Variants in PPP1R13B observed in about 807,000 individuals in gnomAD.
PPP1R13B encodes the protein protein phosphatase 1 regulatory subunit 13B.
Under a neutral mutation model 119.8 loss-of-function variants are expected in PPP1R13B, and 44 were observed. That is an observed-to-expected ratio of 0.37 (90% CI 0.29 to 0.47). PPP1R13B has a LOEUF of 0.47. Among genes scored for constraint, PPP1R13B ranks in the 20% least tolerant of loss-of-function variants. PPP1R13B has a pLI of 0.99. For missense variants in PPP1R13B, 1,227 were observed against 1,413.5 expected (o/e 0.87, Z 2.12); for synonymous variants, 542 against 561.5 (o/e 0.97, Z 0.49).
chr14:103,803,131 T>C (rs1483180705), intron 1 of PPP1R13B, among the ~76,000 whole-genome samples: 3 of 152,170 alleles, frequency 2.0e-5, no homozygotes, highest in Non-Finnish European at 4.4e-5. Flanking sequence ...CCAAAACAAA[T>C]ATAGTGTATT....
chr14:103,806,342 T>C (rs1039138513), intron 1 of PPP1R13B, among the ~76,000 whole-genome samples: 1 of 152,146 alleles, frequency 6.6e-6, no homozygotes, highest in Non-Finnish European at 1.5e-5. Flanking sequence ...CTACTACTTC[T>C]TTCTGGTGGA....
chr14:103,778,703 G>A, intron 4 of PPP1R13B, 42 bp downstream of exon 4: 2 of 1,519,046 alleles, frequency 1.3e-6, no homozygotes, highest in Non-Finnish European at 9.1e-7. Context: ...ACTGCACCTA[G>A]CCATCAATTT....
intron 12 of PPP1R13B, 26 bp downstream of exon 12, chr14:103,739,798 G>A (rs1195766049): frequency 4.5e-6 from 7 of 1,569,352 alleles, no homozygotes; most frequent in Middle Eastern, 1.7e-4. Context: ...AGGAAGGCCA[G>A]GCTTTGGTCT....
At chr14:103,823,471 C>G (rs1355211610) in intron 1 of PPP1R13B, among the ~76,000 whole-genome samples, 1 of 152,096 alleles carries the variant, frequency 6.6e-6, no homozygotes. Flanking sequence ...TGTTCACATA[C>G]GACTTGCACA....
chr14:103,817,783 G>C (rs2152066112), intron 1 of PPP1R13B, among the ~76,000 whole-genome samples: 1 of 152,122 alleles, frequency 6.6e-6, no homozygotes, highest in Non-Finnish European at 1.5e-5. Flanking sequence ...ACTGCAGACA[G>C]ACTGGCGTGT....
At chr14:103,764,819 T>G (rs546265546) in intron 4 of PPP1R13B, among the ~76,000 whole-genome samples, 94 of 150,774 alleles carry the variant, frequency 6.2e-4, no homozygotes, top group Non-Finnish European at 1.2e-3. Flanking sequence ...AATACAGCTG[T>G]TTTTTTTTGT....
chr14:103,771,699 T>C (rs2085073866), intron 4 of PPP1R13B, among the ~76,000 whole-genome samples: 1 of 152,126 alleles, frequency 6.6e-6, no homozygotes, highest in Non-Finnish European at 1.5e-5. Context: ...CAGGCTAGTC[T>C]AGAACTCCTG....
chr14:103,825,845 TC>T (rs2086525548), intron 1 of PPP1R13B, among the ~76,000 whole-genome samples: 1 of 96,380 alleles, frequency 1.0e-5, no homozygotes, highest in Non-Finnish European at 1.9e-5. Context: ...TTTTTTCTTT[TC>T]TTTTTTTTTT....
chr14:103,764,995 T>G (rs1595742379), intron 4 of PPP1R13B, among the ~76,000 whole-genome samples: 1 of 152,126 alleles, frequency 6.6e-6, no homozygotes. Context: ...ATCTTTTGTA[T>G]TTTTAGTAGA....
intron 4 of PPP1R13B, among the ~76,000 whole-genome samples, chr14:103,774,206 G>GCA (rs796740321): frequency 6.6e-6 from 1 of 152,336 alleles, no homozygotes; most frequent in African/African-American, 2.4e-5. Flanking sequence ...AGAAAACACA[G>GCA]GAGGGTAGGA....
At chr14:103,748,715 C>T (rs964679803) in intron 8 of PPP1R13B, among the ~76,000 whole-genome samples, 4 of 152,332 alleles carry the variant, frequency 2.6e-5, no homozygotes, top group Admixed American at 6.5e-5. Flanking sequence ...TCCATGCAGG[C>T]GGCTCAGTGG....
At position 103,753,154 on chromosome 14, in the gene PPP1R13B, T is replaced by G; in HGVS notation, c.674A>C (p.Lys225Thr). Residue 225 changes from lysine to threonine, a missense_variant, in exon 7 of 17, where the codon AAG (lysine) becomes ACG (threonine). Lys to Thr is a moderately conservative substitution (Grantham distance 78). Transcript: ENST00000202556. ...TAAAATTGCAGTCTGTACTTCCTGC[T>G]TCTTTTCCTGGAACATGGCACTGAA... ...ERFSAMFQEK[K>T]QEVQTAILRV... 6.2e-7 allele frequency: 1 copy of G among 1,613,306 alleles called. No individual in the cohort carries two copies. Among genetic ancestry groups the G allele is most frequent in the Non-Finnish European group, 8.5e-7 (1 of 1,180,032 alleles).
Position 103,808,850 on chromosome 14 carries a change from G to A in PPP1R13B, c.10-11332C>T, listed in dbSNP as rs188020001. Among the ~76,000 whole-genome samples, 502 of 152,134 alleles carry A rather than the reference G, an allele frequency of 3.3e-3. 2 individuals carry two copies. Among genetic ancestry groups the A allele is most frequent in the African/African-American group, 0.011 (473 of 41,522 alleles). Reference sequence around the variant, plus strand: ...TAACCCTCTTACGAAGGCAGAGACAGCTATACACCCATTTTTTTTAATGTT... The same window carrying A: ...TAACCCTCTTACGAAGGCAGAGACAACTATACACCCATTTTTTTTAATGTT... On this transcript the variant is annotated intron_variant, in intron 1 of 16. Transcript: ENST00000202556.
chr14:103,836,306 A>G (rs2086776656), intron 1 of PPP1R13B, among the ~76,000 whole-genome samples: 1 of 151,560 alleles, frequency 6.6e-6, no homozygotes, highest in South Asian at 2.1e-4. Context: ...TTGGCCTCCC[A>G]AAGTGCTGAG....
intron 1 of PPP1R13B, among the ~76,000 whole-genome samples, chr14:103,820,693 G>A (rs949741545): frequency 1.5e-5 from 2 of 129,572 alleles, no homozygotes; most frequent in Non-Finnish European, 3.1e-5. Context: ...CAGGGTGGCC[G>A]CTCTATGATG....
chr14:103,799,510 G>A (rs2085846274), intron 1 of PPP1R13B, among the ~76,000 whole-genome samples: 1 of 151,090 alleles, frequency 6.6e-6, no homozygotes, highest in South Asian at 2.1e-4. Context: ...ACAGGGTTTC[G>A]CCACATTGAC....
Position 103,734,137 on chromosome 14 carries a change from A to G in PPP1R13B, c.*1017T>C. The G allele has an allele frequency of 4.5e-6, 1 of 224,458 alleles. No homozygotes were observed. Among genetic ancestry groups the G allele is most frequent in the South Asian group, 7.3e-5 (1 of 13,640 alleles). 13.9% of individuals were successfully genotyped at this position (224,458 alleles called of 1,614,324 possible). ...TTGCCTTGAGGCTGGGCCTGGGACA[A>G]AGGTGGCCTCACAGCCAGCCCAGGC... On this transcript the variant is annotated 3_prime_UTR_variant, in exon 17 of 17. Transcript: ENST00000202556.
At chr14:103,739,629 G>A (rs1360218274) in intron 12 of PPP1R13B, among the ~76,000 whole-genome samples, 195 bp downstream of exon 12, 1 of 152,212 alleles carries the variant, frequency 6.6e-6, no homozygotes. Flanking sequence ...GCATTTGTGT[G>A]GCCGAGCCCC....
At chr14:103,752,901 A>G in intron 7 of PPP1R13B, 99 bp downstream of exon 7, 1 of 1,226,226 alleles carries the variant, frequency 8.2e-7, no homozygotes, top group East Asian at 2.4e-5. Context: ...ATTAGAATCT[A>G]CTAATTTGTT....
Sources: allele counts gnomAD v4.1 joint callset (sites outside exome capture counted in the v4.1 genomes callset), GRCh38; gene constraint gnomAD v4.1.1; transcripts MANE v1.5; gene names NCBI Gene and HGNC (gene_info 2026-07-23, HGNC 2026-07-21).